SF3A3: variants seen among roughly 807,000 people sequenced by gnomAD.
SF3A3 encodes SAP 61.
In SF3A3, 9 loss-of-function variants were observed where a neutral mutation model predicts 85.8. The ratio of observed to expected loss-of-function variants is 0.10; its 90% CI spans 0.06 to 0.18. SF3A3 has a LOEUF of 0.18. Among genes scored for constraint, SF3A3 ranks in the 10% least tolerant of loss-of-function variants. The pLI is 1.00. For synonymous variants in SF3A3, 195 were observed against 204.4 expected (o/e 0.95, Z 0.39); for missense variants, 306 against 593.3 (o/e 0.52, Z 5.03).
chr1:37,986,287 A>C (rs1646456310), intron 4 of SF3A3, among the ~76,000 whole-genome samples: 1 of 151,938 alleles, frequency 6.6e-6, no homozygotes, highest in Non-Finnish European at 1.5e-5. Flanking sequence ...CCATACTTCT[A>C]CTTCCCCATT....
intron 3 of SF3A3, 26 bp downstream of exon 3, chr1:37,987,758 C>T (rs756255358): frequency 1.9e-6 from 3 of 1,609,780 alleles, no homozygotes; most frequent in Non-Finnish European, 2.6e-6. Flanking sequence ...GCACTAACTC[C>T]TGGATTAGCT....
chr1:37,979,784 A>C (rs1646404355), intron 8 of SF3A3, among the ~76,000 whole-genome samples: 1 of 152,122 alleles, frequency 6.6e-6, no homozygotes, highest in African/African-American at 2.4e-5. Context: ...TTGAGCCCAC[A>C]AGGTTGAGGC....
rs368034583 is a variant in SF3A3, at chr1:37,987,585, C to T, written c.291G>A (p.Lys97=). The T allele has an allele frequency of 3.5e-5, 56 of 1,612,782 alleles. No homozygotes were observed. The highest frequency in any genetic ancestry group is 2.3e-4 in the Admixed American group (14 of 59,984). ...TCTGAGGACATACCTCATTTGGGTGCTTCCGGTGGAATTCCTTTATTTGCT... is the reference window on the plus strand; with the variant it reads ...TCTGAGGACATACCTCATTTGGGTGTTTCCGGTGGAATTCCTTTATTTGCT... ...RLKQIKEFHR[K]HPNEICVPMS... is the part of the protein sequence containing the mutation. Residue 97 remains lysine, a synonymous_variant, in exon 4 of 17, where the codon AAG becomes AAA. Transcript: ENST00000373019.
At chr1:37,984,806 G>T in intron 4 of SF3A3, 27 bp from the exon 5 acceptor site, 5 of 1,593,696 alleles carry the variant, frequency 3.1e-6, no homozygotes, top group Non-Finnish European at 4.3e-6. Flanking sequence ...AAGCTCAGGT[G>T]GATTTTTCTT....
chr1:37,986,133 G>C (rs895214771), intron 4 of SF3A3, among the ~76,000 whole-genome samples: 1 of 151,924 alleles, frequency 6.6e-6, no homozygotes, highest in Non-Finnish European at 1.5e-5. Context: ...GTTTTTAGTA[G>C]AGAGAGGTTT....
At position 37,979,404 on chromosome 1, in the gene SF3A3, G is replaced by A. The variant is rs1646401672; in HGVS notation, c.759+61C>T. ...CAACCATGGTATTAAAGACAGGAGA[G>A]CAGTCTTTAAAGACAGAAAAATAGA... is the stretch of plus-strand genomic sequence containing the variant. On this transcript the variant is annotated intron_variant, in intron 9 of 16. Transcript: ENST00000373019. The A allele has an allele frequency of 2.5e-6, 3 of 1,195,528 alleles. No homozygotes were observed. The Admixed American group carries it at 5.3e-5, about 21-fold the overall frequency. The allele number at this position is 1,195,528 out of a possible 1,614,324, so 74.1% of individuals were successfully genotyped here.
At chr1:37,958,707 G>A (rs1307008976) in intron 16 of SF3A3, among the ~76,000 whole-genome samples, 1 of 152,142 alleles carries the variant, frequency 6.6e-6, no homozygotes, top group African/African-American at 2.4e-5. Context: ...GGGCAATTCT[G>A]CTTGATTCTA....
chr1:37,963,332 C>G (rs922490183), intron 15 of SF3A3, among the ~76,000 whole-genome samples: 2 of 152,016 alleles, frequency 1.3e-5, no homozygotes, highest in African/African-American at 4.8e-5. Context: ...AGAGAGAAGA[C>G]AGGGGCTGGG....
intron 6 of SF3A3, among the ~76,000 whole-genome samples, chr1:37,982,790 C>A (rs1308585513): frequency 6.6e-6 from 1 of 152,122 alleles, no homozygotes; most frequent in East Asian, 1.9e-4. Context: ...AAAACAGGAA[C>A]ACCTAGAAGA....
intron 16 of SF3A3, among the ~76,000 whole-genome samples, chr1:37,959,850 C>T (rs904669937): frequency 6.7e-6 from 1 of 150,374 alleles, no homozygotes; most frequent in Non-Finnish European, 1.5e-5. Flanking sequence ...CTCAGCTACT[C>T]GAGAGACAGA....
intron 15 of SF3A3, among the ~76,000 whole-genome samples, chr1:37,966,247 AAAAG>A (rs1479847713): frequency 6.6e-6 from 1 of 151,864 alleles, no homozygotes. Context: ...AAATTAAAAA[AAAAG>A]AAGAAAAGAA....
intron 1 of SF3A3, 117 bp downstream of exon 1, chr1:37,989,753 G>T: frequency 8.2e-7 from 1 of 1,215,074 alleles, no homozygotes; most frequent in Non-Finnish European, 1.2e-6. Flanking sequence ...ACCGGAGCTC[G>T]GAGAGGGAGC....
chr1:37,967,947 T>C, intron 15 of SF3A3, 97 bp downstream of exon 15: 1 of 737,314 alleles, frequency 1.4e-6, no homozygotes, highest in Non-Finnish European at 2.5e-6. Flanking sequence ...CACAACCTAC[T>C]GCCTTTAACC....
rs191242310 is a variant in SF3A3, at chr1:37,988,320, C to T, written c.145-484G>A. On this transcript the variant is annotated intron_variant, in intron 2 of 16. Transcript: ENST00000373019. ...AGGATGGTACAGGTACATAGTCCCT[C>T]CTCCAAAACTTTTGGGACCAGATTT... Among the ~76,000 whole-genome samples the T allele has an allele frequency of 3.0e-3, 464 of 152,298 alleles. 4 individuals are homozygous for T. Among genetic ancestry groups the T allele is most frequent in the Admixed American group, 4.4e-3 (68 of 15,298 alleles).
At chr1:37,980,910 C>T (rs1253971625) in intron 7 of SF3A3, 186 bp from the exon 8 acceptor site, 5 of 338,552 alleles carry the variant, frequency 1.5e-5, no homozygotes, top group African/African-American at 2.6e-5. Flanking sequence ...AGTGCAATGG[C>T]GGGATCTTGG....
rs1646401413 is a variant in SF3A3 at position 37,979,345 on chromosome 1, G to A, written c.759+120C>T. The A allele has an allele frequency of 2.1e-5, 16 of 778,386 alleles. No individual in the cohort carries two copies. In the East Asian group the frequency reaches 4.1e-4, roughly 20 times the overall value. 48.2% of individuals were successfully genotyped at this position (778,386 alleles called of 1,614,324 possible). A position where few individuals can be genotyped will look rare whatever the true frequency, so the allele number is the denominator to read the frequency against. ...TTGCCTTGCTACTTTCTTTGTAGAT[G>A]CTTGATCTCAAGAAATAGTGCCTTA... On this transcript the variant is annotated intron_variant, in intron 9 of 16. Transcript: ENST00000373019.
chr1:37,970,271 C>T (rs948188971), intron 12 of SF3A3, among the ~76,000 whole-genome samples: 1 of 149,586 alleles, frequency 6.7e-6, no homozygotes, highest in Non-Finnish European at 1.5e-5. Flanking sequence ...CGCCACTGCA[C>T]TCCAGCCTGG....
chr1:37,962,267 G>A (rs560785242), intron 15 of SF3A3, among the ~76,000 whole-genome samples: 1 of 112,574 alleles, frequency 8.9e-6, no homozygotes, highest in East Asian at 2.9e-4. Flanking sequence ...TTCAGCCTGG[G>A]TGACAGAGCG....
At chr1:37,979,235 T>A (rs944259699) in intron 9 of SF3A3, 180 bp from the exon 10 acceptor site, 1 of 628,320 alleles carries the variant, frequency 1.6e-6, no homozygotes, top group Non-Finnish European at 2.9e-6. Context: ...GACTTAACCA[T>A]ACTGATAGTG....
Sources: allele counts gnomAD v4.1 joint callset (sites outside exome capture counted in the v4.1 genomes callset), GRCh38; gene constraint gnomAD v4.1.1; transcripts MANE v1.5; gene names NCBI Gene and HGNC (gene_info 2026-07-23, HGNC 2026-07-21).